PUS10: variants seen among roughly 807,000 people sequenced by gnomAD.
PUS10 encodes pseudouridine synthase 10.
Under a neutral mutation model 75.0 loss-of-function variants are expected in PUS10, and 59 were observed. The ratio of observed to expected loss-of-function variants is 0.79; its 90% CI spans 0.64 to 0.98. PUS10 has a LOEUF of 0.98. Ranked by LOEUF, PUS10 falls within the 50% of genes least tolerant of loss-of-function variation. The pLI, the probability that PUS10 is intolerant of heterozygous loss-of-function variation, is 0.00. For synonymous variants in PUS10, 219 were observed against 211.6 expected, an observed-to-expected ratio of 1.03 and a Z score of -0.30; for missense variants, 650 against 614.4, an observed-to-expected ratio of 1.06 and a Z score of -0.61.
chr2:60,994,577 T>C (rs1678327358), intron 4 of PUS10, among the ~76,000 whole-genome samples: 1 of 152,192 alleles, frequency 6.6e-6, no homozygotes, highest in African/African-American at 2.4e-5. Context: ...ATTTCCAGAG[T>C]TATCATTTTA....
At chr2:60,951,448 T>C (rs1305704819) in intron 15 of PUS10, among the ~76,000 whole-genome samples, 1 of 152,082 alleles carries the variant, frequency 6.6e-6, no homozygotes, top group Non-Finnish European at 1.5e-5. Flanking sequence ...AGCCCTGAGC[T>C]TGTTTTCCTG....
At chr2:61,012,455 TAC>T (rs942793649) in intron 1 of PUS10, among the ~76,000 whole-genome samples, 11 of 151,930 alleles carry the variant, frequency 7.2e-5, no homozygotes, top group African/African-American at 2.4e-4. Context: ...ATAGAAAAAC[TAC>T]AGTCTCTCTT....
At chr2:61,006,028 A>G (rs1679188917) in intron 4 of PUS10, among the ~76,000 whole-genome samples, 1 of 152,254 alleles carries the variant, frequency 6.6e-6, no homozygotes, top group Non-Finnish European at 1.5e-5. Flanking sequence ...GTTTTGACAC[A>G]TAAGAATATT....
chr2:60,980,771 A>G (rs1476234697), intron 4 of PUS10, among the ~76,000 whole-genome samples: 1 of 152,252 alleles, frequency 6.6e-6, no homozygotes, highest in Non-Finnish European at 1.5e-5. Context: ...ACACACGTAC[A>G]GTAGACTATT....
intron 1 of PUS10, among the ~76,000 whole-genome samples, chr2:61,013,683 T>G (rs1366436765): frequency 6.6e-6 from 1 of 152,198 alleles, no homozygotes; most frequent in Non-Finnish European, 1.5e-5. Context: ...CAGTCTACCT[T>G]ATATAATACT....
intron 4 of PUS10, among the ~76,000 whole-genome samples, chr2:60,973,944 T>G (rs1385130586): frequency 1.3e-5 from 2 of 152,114 alleles, no homozygotes; most frequent in African/African-American, 4.8e-5. Context: ...GTCTCTCTGC[T>G]GAGAGCTGAA....
At chr2:60,999,906 C>A (rs1678739918) in intron 4 of PUS10, among the ~76,000 whole-genome samples, 1 of 152,078 alleles carries the variant, frequency 6.6e-6, no homozygotes, top group Non-Finnish European at 1.5e-5. Context: ...TTACATAGCA[C>A]CCACATTGTA....
At chr2:60,997,701 T>G (rs1573493740) in intron 4 of PUS10, among the ~76,000 whole-genome samples, 1 of 152,066 alleles carries the variant, frequency 6.6e-6, no homozygotes. Flanking sequence ...GGGACATTCA[T>G]TGTATAATAG....
At chr2:60,942,768 G>A (rs1327422916) in intron 17 of PUS10, among the ~76,000 whole-genome samples, 1 of 152,058 alleles carries the variant, frequency 6.6e-6, no homozygotes, top group African/African-American at 2.4e-5. Context: ...ACTTTGGGAG[G>A]CCGATCAATT....
At chr2:60,977,550 T>C (rs1304907002) in intron 4 of PUS10, among the ~76,000 whole-genome samples, 1 of 152,218 alleles carries the variant, frequency 6.6e-6, no homozygotes, top group East Asian at 1.9e-4. Flanking sequence ...TAACCATCAT[T>C]TTTGTACTAT....
intron 5 of PUS10, among the ~76,000 whole-genome samples, chr2:60,968,233 C>T (rs1056775574): frequency 1.3e-5 from 2 of 152,034 alleles, no homozygotes; most frequent in African/African-American, 4.8e-5. Flanking sequence ...TGGGAAGTCC[C>T]TTTTATAAAT....
At chr2:60,944,396 C>T (rs1674810327) in intron 17 of PUS10, 1 of 214,606 alleles carries the variant, frequency 4.7e-6, no homozygotes, top group African/African-American at 2.3e-5. Flanking sequence ...AGTACAAATC[C>T]CCAAGTCCTA....
At chr2:60,986,686 C>G (rs1677742281) in intron 4 of PUS10, among the ~76,000 whole-genome samples, 1 of 152,224 alleles carries the variant, frequency 6.6e-6, no homozygotes, top group Non-Finnish European at 1.5e-5. Flanking sequence ...ACAGTTAACT[C>G]TTCAATCTGC....
chr2:61,016,332 C>T (rs1679976547), intron 1 of PUS10, among the ~76,000 whole-genome samples: 1 of 152,132 alleles, frequency 6.6e-6, no homozygotes, highest in Non-Finnish European at 1.5e-5. Flanking sequence ...TTTCACCTAC[C>T]AACAATTTAT....
chr2:61,010,612 A>T, intron 2 of PUS10: 1 of 663,418 alleles, frequency 1.5e-6, no homozygotes. Flanking sequence ...GGCGTGAGCC[A>T]CCGCACCCAG....
At chr2:60,974,189 G>GTTC (rs1676877850) in intron 4 of PUS10, among the ~76,000 whole-genome samples, 2 of 144,266 alleles carry the variant, frequency 1.4e-5, no homozygotes, top group Admixed American at 1.4e-4. Flanking sequence ...TCTCTGAACT[G>GTTC]TTCTACCACT....
In PUS10 at chr2:61,011,861, A is replaced by T. The variant is rs757458628; in HGVS notation, c.30T>A (p.His10Gln). The change falls in exon 2 of 18, where the codon CAT becomes CAA. Residue 10 changes from histidine (H) to glutamine (Q), a missense_variant. Physicochemically the swap from His to Gln is conservative, Grantham distance 24 (BLOSUM62 0). Coordinates refer to ENST00000316752, the MANE Select transcript of PUS10 (RefSeq NM_144709.4). ...CAGTATTGAGCAACAACTGGGCCAC[A>T]TGCTTGTTTTCCTCAGTCAGTGGGA... The part of the protein sequence containing the change: MFPLTEENK[H>Q]VAQLLLNTGT... The T allele has an allele frequency of 6.2e-7, 1 of 1,606,876 alleles. No individual in the cohort carries two copies. Among genetic ancestry groups the T allele is most frequent in the Non-Finnish European group, 8.5e-7 (1 of 1,177,184 alleles).
intron 1 of PUS10, among the ~76,000 whole-genome samples, chr2:61,014,989 A>G (rs1679874001): frequency 6.6e-6 from 1 of 152,174 alleles, no homozygotes; most frequent in Admixed American, 6.5e-5. Flanking sequence ...AGGACTACTA[A>G]AAACAGATTG....
intron 4 of PUS10, among the ~76,000 whole-genome samples, chr2:60,981,812 A>C (rs1451128425): frequency 6.6e-6 from 1 of 152,172 alleles, no homozygotes; most frequent in East Asian, 1.9e-4. Context: ...TAGCCTCTGG[A>C]AAACTCCACT....
Sources: gnomAD v4.1 joint callset for allele counts (sites outside exome capture counted in the v4.1 genomes callset) on GRCh38, gnomAD v4.1.1 for gene constraint, MANE v1.5 for transcripts, NCBI Gene and HGNC (gene_info 2026-07-23, HGNC 2026-07-21) for gene names.